Variants in HDLBP observed in about 807,000 individuals in gnomAD.
HDLBP encodes high density lipoprotein binding protein, also known as vigilin.
HDLBP carries 30 observed loss-of-function variants against 137.3 expected under a neutral mutation model. The observed-to-expected ratio is 0.22, with a 90% CI of 0.16 to 0.30. HDLBP has a LOEUF of 0.30. Ranked by LOEUF, HDLBP falls within the 10% of genes least tolerant of loss-of-function variation. HDLBP has a pLI of 1.00. For synonymous variants in HDLBP, 606 were observed against 596.0 expected (o/e 1.02, Z -0.24); for missense variants, 1,119 against 1,667.3 (o/e 0.67, Z 5.73).
chr2:241,267,584 A>G, intron 2 of HDLBP: 1 of 1,535,644 alleles, frequency 6.5e-7, no homozygotes, highest in Non-Finnish European at 8.7e-7. Context: ...ACACCTCTTA[A>G]TGCTTACAAA....
chr2:241,248,353 A>G lies in HDLBP; in HGVS notation c.1513-5T>C. On this transcript the variant is annotated splice_polypyrimidine_tract_variant and splice_region_variant and intron_variant, in intron 12 of 27. Transcript: ENST00000310931. ...ATCCTTGGTACGCTCATTTTCCTAA[A>G]AATACAATTAAAGTAGATGTCATTT... is the stretch of plus-strand genomic sequence containing the variant. 6.2e-7 allele frequency: 1 copy of G among 1,603,406 alleles called. No homozygotes were observed. The highest frequency in any genetic ancestry group is 8.5e-7 in the Non-Finnish European group (1 of 1,170,248).
rs748683310 is a variant in HDLBP, at chr2:241,242,571, G to C, written c.2058C>G (p.Val686=). 8 of 1,614,058 alleles carry C rather than the reference G, an allele frequency of 5.0e-6. No homozygotes were observed. The highest frequency in any genetic ancestry group is 1.6e-4 in the Middle Eastern group (1 of 6,084). ...IRSIMEECGG[V]HIHFPVEGSG... ...AACCTTCCACGGGAAAGTGAATGTG[G>C]ACCCCGCCGCACTCCTCCATGATGG... The change falls in exon 17 of 28, where the codon GTC becomes GTG. Residue 686 remains valine, a synonymous_variant. Coordinates refer to ENST00000310931, the MANE Select transcript of HDLBP (RefSeq NM_005336.6).
intron 1 of HDLBP, among the ~76,000 whole-genome samples, chr2:241,312,796 C>T (rs1298834530): frequency 2.6e-5 from 4 of 152,226 alleles, no homozygotes; most frequent in Admixed American, 1.3e-4. Context: ...TCAGCTGGGA[C>T]GCACTAATGG....
At chr2:241,304,190 G>A (rs866322280) in intron 1 of HDLBP, among the ~76,000 whole-genome samples, 6 of 152,160 alleles carry the variant, frequency 3.9e-5, no homozygotes, top group East Asian at 3.8e-4. Flanking sequence ...CTCAAAATAC[G>A]TATATGGCAC....
chr2:241,289,417 G>T (rs147405681), intron 1 of HDLBP, among the ~76,000 whole-genome samples: 1 of 152,172 alleles, frequency 6.6e-6, no homozygotes, highest in Admixed American at 6.5e-5. Flanking sequence ...TCTCCACAAA[G>T]AGCTAATTCA....
rs77623245 is a variant in HDLBP at position 241,311,335 on chromosome 2, G to A, written c.-103+4235C>T. The stretch of plus-strand genomic sequence containing the variant: ...GATAAGAGCAGAACGAGGCACTTTC[G>A]TACATACAAATTCTGAAAACTTCAT... On this transcript the variant is annotated intron_variant, in intron 1 of 27. Coordinates refer to ENST00000310931, the MANE Select transcript of HDLBP (RefSeq NM_005336.6). Among the ~76,000 whole-genome samples the A allele has an allele frequency of 6.1e-3, 935 of 152,246 alleles. 5 individuals carry two copies. Among genetic ancestry groups the A allele is most frequent in the African/African-American group, 0.021 (891 of 41,540 alleles).
At chr2:241,293,147 T>A (rs2075060784) in intron 1 of HDLBP, among the ~76,000 whole-genome samples, 1 of 150,798 alleles carries the variant, frequency 6.6e-6, no homozygotes, top group African/African-American at 2.5e-5. Context: ...AACTAAGCAT[T>A]CAAGTCAAGA....
intron 1 of HDLBP, among the ~76,000 whole-genome samples, chr2:241,287,001 TC>T (rs1335954934): frequency 6.6e-6 from 1 of 151,032 alleles, no homozygotes; most frequent in Non-Finnish European, 1.5e-5. Context: ...TTCAAATAGG[TC>T]TTCACCCTGT....
intron 12 of HDLBP, among the ~76,000 whole-genome samples, 189 bp from the exon 13 acceptor site, chr2:241,248,537 C>T (rs575446007): frequency 6.6e-6 from 1 of 152,270 alleles, no homozygotes; most frequent in African/African-American, 2.4e-5. Flanking sequence ...ATAATGAGTG[C>T]TCTCACCAAG....
chr2:241,252,906 A>C lies in HDLBP; in HGVS notation c.1372+51T>G, dbSNP rs761633495. ...ACAGTTCTCACAGCTGACACCCCCC[A>C]CAAGGGTCTCAGGGCACACTGGCCC... is the stretch of plus-strand genomic sequence containing the variant. On this transcript the variant is annotated intron_variant, in intron 11 of 27. Transcript: ENST00000310931. 2.0e-5 allele frequency: 25 copies of C among 1,280,996 alleles called. No individual in the cohort carries two copies. In the East Asian group the frequency reaches 2.3e-4, roughly 12 times the overall value. 79.4% of individuals were successfully genotyped at this position (1,280,996 alleles called of 1,614,324 possible).
At chr2:241,248,448 A>G in intron 12 of HDLBP, 100 bp from the exon 13 acceptor site, 1 of 953,602 alleles carries the variant, frequency 1.0e-6, no homozygotes, top group Non-Finnish European at 1.7e-6. Flanking sequence ...ACAGTCCTTC[A>G]TGGAGCAGGT....
intron 5 of HDLBP, among the ~76,000 whole-genome samples, chr2:241,261,744 G>A (rs1574955496): frequency 6.6e-6 from 1 of 152,144 alleles, no homozygotes; most frequent in South Asian, 2.1e-4. Context: ...CTGGGGTTGG[G>A]GACTGTCCCG....
rs1364964089 is a variant in HDLBP at position 241,266,891 on chromosome 2, C to T, written c.-22G>A. 1 of 1,613,488 alleles carries T rather than the reference C, an allele frequency of 6.2e-7. No individual in the cohort carries two copies. On this transcript the variant is annotated 5_prime_UTR_variant, in exon 3 of 28. The change creates a new upstream start codon in the 5' untranslated region. Coordinates refer to ENST00000310931, the MANE Select transcript of HDLBP (RefSeq NM_005336.6). ...TCATGGTTGATCTCACACCTACACACAATCCGGGAAAACCACTAAAGCAAA... is the reference window on the plus strand; with the variant it reads ...TCATGGTTGATCTCACACCTACACATAATCCGGGAAAACCACTAAAGCAAA...
At chr2:241,284,804 C>T (rs1011085802) in intron 1 of HDLBP, among the ~76,000 whole-genome samples, 21 of 152,172 alleles carry the variant, frequency 1.4e-4, no homozygotes, top group African/African-American at 4.1e-4. Context: ...AACATCAAAG[C>T]GAGACCTTCC....
intron 1 of HDLBP, among the ~76,000 whole-genome samples, chr2:241,284,033 A>AG (rs2074713283): frequency 6.6e-6 from 1 of 151,838 alleles, no homozygotes; most frequent in Admixed American, 6.6e-5. Context: ...CCCAGAAAAA[A>AG]AAAAAAGATT....
At position 241,229,707 on chromosome 2, in the gene HDLBP, G is replaced by A. The variant is rs781040202; in HGVS notation, c.3721-20C>T. On this transcript the variant is annotated intron_variant, in intron 27 of 27. Coordinates refer to ENST00000310931, the MANE Select transcript of HDLBP (RefSeq NM_005336.6). The stretch of plus-strand genomic sequence containing the variant: ...AGGAGCCTGTGCAGAGAGAGGACAC[G>A]GCTTCAGGAGGGGATGCTCCCCAAC... 9.3e-6 allele frequency: 15 copies of A among 1,612,964 alleles called. No homozygotes were observed. Among genetic ancestry groups the A allele is most frequent in the Admixed American group, 1.7e-5 (1 of 60,002 alleles).
At chr2:241,270,124 C>T (rs192629821) in intron 1 of HDLBP, among the ~76,000 whole-genome samples, 2 of 152,332 alleles carry the variant, frequency 1.3e-5, no homozygotes, top group East Asian at 3.9e-4. Flanking sequence ...CACTGTGCAC[C>T]CAGTGTCAGT....
In HDLBP at chr2:241,293,483, G is replaced by A. The variant is rs754251987; in HGVS notation, c.-103+22087C>T. On this transcript the variant is annotated intron_variant, in intron 1 of 27. Transcript: ENST00000310931. ...ACTGCACTCCCAGCCTGGGTGGCAC[G>A]TGCCTGTAGTCCCAGCTACTTGGAA... Among the ~76,000 whole-genome samples, 87 of 151,530 alleles carry A rather than the reference G, an allele frequency of 5.7e-4. 1 individual carries two copies. Among genetic ancestry groups the A allele is most frequent in the Non-Finnish European group, 1.1e-3 (72 of 67,866 alleles).
At chr2:241,235,281 C>G in intron 22 of HDLBP, 26 bp from the exon 23 acceptor site, 1 of 1,613,958 alleles carries the variant, frequency 6.2e-7, no homozygotes, top group Non-Finnish European at 8.5e-7. Flanking sequence ...GCTGACTTGA[C>G]GTTCAGGACC....
Sources: allele counts gnomAD v4.1 joint callset (sites outside exome capture counted in the v4.1 genomes callset), GRCh38; gene constraint gnomAD v4.1.1; transcripts MANE v1.5; gene names NCBI Gene and HGNC (gene_info 2026-07-23, HGNC 2026-07-21).